NTM: variants seen among roughly 807,000 people sequenced by gnomAD.
NTM encodes the protein IgLON family member 2.
Under a neutral mutation model 42.1 loss-of-function variants are expected in NTM, and 13 were observed. The ratio of observed to expected loss-of-function variants is 0.31; its 90% confidence interval spans 0.20 to 0.49. The LOEUF (loss-of-function observed/expected upper bound fraction) is 0.49. Ranked by LOEUF, NTM falls within the 20% of genes least tolerant of loss-of-function variation. The pLI, the probability that NTM is intolerant of heterozygous loss-of-function variation, is 0.99. For missense variants in NTM, 373 were observed against 452.8 expected (o/e 0.82, Z 1.60); for synonymous variants, 187 against 179.2 (o/e 1.04, Z -0.35).
At chr11:131,699,199 G>A (rs1294514068) in intron 1 of NTM, among the ~76,000 whole-genome samples, 4 of 152,234 alleles carry the variant, frequency 2.6e-5, no homozygotes, top group Non-Finnish European at 5.9e-5. Flanking sequence ...TCTGAGCTCA[G>A]TCTAGGAAGA....
chr11:132,026,452 C>T (rs911173972), intron 2 of NTM, among the ~76,000 whole-genome samples: 1 of 152,190 alleles, frequency 6.6e-6, no homozygotes, highest in Admixed American at 6.5e-5. Context: ...GTTCAAGAAG[C>T]TCTTTTTAGG....
Position 131,521,383 on chromosome 11 carries a change from C to CTT in NTM, c.82+150533_82+150534dup, listed in dbSNP as rs773233050. ...AATGCAGAAGAAGCAAGGTGCCAGTCTTTTTTTTTTTTTTTTTTTTTTTTT... is the reference window on the plus strand; with the variant it reads ...AATGCAGAAGAAGCAAGGTGCCAGTCTTTTTTTTTTTTTTTTTTTTTTTTTTT... On this transcript the variant is annotated intron_variant, in intron 1 of 8. Coordinates refer to ENST00000683400, the MANE Select transcript of NTM (RefSeq NM_001352005.2). Among the ~76,000 whole-genome samples, 69 of 45,756 alleles carry CTT rather than the reference C, an allele frequency of 1.5e-3. 25 individuals carry two copies. Among genetic ancestry groups the CTT allele is most frequent in the East Asian group, 2.6e-3 (4 of 1,512 alleles). 30.0% of individuals were successfully genotyped at this position (45,756 alleles called of 152,430 possible).
At chr11:131,776,052 C>T (rs1287528117) in intron 1 of NTM, among the ~76,000 whole-genome samples, 2 of 152,176 alleles carry the variant, frequency 1.3e-5, no homozygotes, top group East Asian at 3.8e-4. Context: ...CTGCATATAT[C>T]TCTGGCCCCT....
At chr11:131,854,777 A>C (rs1565633151) in intron 1 of NTM, among the ~76,000 whole-genome samples, 1 of 152,230 alleles carries the variant, frequency 6.6e-6, no homozygotes, top group East Asian at 1.9e-4. Context: ...TTTGAAATTA[A>C]AAGGGGCACT....
chr11:131,685,340 G>T (rs1271410712), intron 1 of NTM, among the ~76,000 whole-genome samples: 2 of 152,078 alleles, frequency 1.3e-5, no homozygotes, highest in African/African-American at 4.8e-5. Context: ...GGCATCCATG[G>T]GAAGCAGCTG....
chr11:131,801,045 G>T (rs987562030), intron 1 of NTM, among the ~76,000 whole-genome samples: 3 of 152,268 alleles, frequency 2.0e-5, no homozygotes, highest in East Asian at 3.9e-4. Context: ...GCTGGGGTTA[G>T]AATTAATATG....
chr11:131,712,497 G>GTT (rs1352479083), intron 1 of NTM, among the ~76,000 whole-genome samples: 1 of 152,088 alleles, frequency 6.6e-6, no homozygotes, highest in African/African-American at 2.4e-5. Context: ...AATGTGAGCA[G>GTT]TTACCCATAA....
chr11:131,832,681 T>C (rs1447313354), intron 1 of NTM, among the ~76,000 whole-genome samples: 1 of 152,194 alleles, frequency 6.6e-6, no homozygotes, highest in Non-Finnish European at 1.5e-5. Context: ...TGATGAAGGC[T>C]TTCTAAGCCT....
intron 1 of NTM, among the ~76,000 whole-genome samples, chr11:131,594,312 A>C (rs1207126241): frequency 2.6e-5 from 4 of 152,160 alleles, no homozygotes; most frequent in Non-Finnish European, 5.9e-5. Flanking sequence ...GCATTAGTTG[A>C]GTATATTAGG....
chr11:131,912,363 T>A (rs929839517), intron 2 of NTM, among the ~76,000 whole-genome samples: 3 of 152,052 alleles, frequency 2.0e-5, no homozygotes, highest in African/African-American at 7.2e-5. Context: ...TAGGTTTCAG[T>A]GTTGGGTTGG....
intron 1 of NTM, among the ~76,000 whole-genome samples, chr11:131,637,099 A>G (rs559524784): frequency 6.6e-6 from 1 of 152,148 alleles, no homozygotes; most frequent in East Asian, 1.9e-4. Context: ...GCAGATGCCA[A>G]CCTGGGTACA....
chr11:132,054,871 G>C (rs970776613), intron 2 of NTM, among the ~76,000 whole-genome samples: 2 of 152,188 alleles, frequency 1.3e-5, no homozygotes, highest in Non-Finnish European at 2.9e-5. Flanking sequence ...AATTGAGATG[G>C]AGGACATGGA....
At chr11:131,632,850 T>C (rs1565353532) in intron 1 of NTM, among the ~76,000 whole-genome samples, 1 of 150,518 alleles carries the variant, frequency 6.6e-6, no homozygotes, top group East Asian at 1.9e-4. Flanking sequence ...AATTTTTGTA[T>C]TTTTAGTAGA....
At position 131,620,176 on chromosome 11, in the gene NTM, G is replaced by A. The variant is rs145657480; in HGVS notation, c.82+249288G>A. On this transcript the variant is annotated intron_variant, in intron 1 of 8. Transcript: ENST00000683400. The stretch of plus-strand genomic sequence containing the variant: ...AGGTACTACGAGACTATATCCAAGA[G>A]GGCAAGTTCTATGACTCTAAGTTTG... 3.2e-3 allele frequency among the ~76,000 whole-genome samples: 481 copies of A among 152,286 alleles called. 5 individuals are homozygous for A. Among genetic ancestry groups the A allele is most frequent in the African/African-American group, 0.011 (465 of 41,548 alleles).
chr11:131,567,624 A>C (rs2057029375), intron 1 of NTM, among the ~76,000 whole-genome samples: 1 of 152,246 alleles, frequency 6.6e-6, no homozygotes, highest in Non-Finnish European at 1.5e-5. Context: ...TTCATGAGGA[A>C]TACAACTTAC....
intron 3 of NTM, among the ~76,000 whole-genome samples, chr11:132,173,435 G>A (rs887437911): frequency 1.3e-5 from 2 of 152,164 alleles, no homozygotes; most frequent in African/African-American, 4.8e-5. Context: ...TTGTCTTTGT[G>A]TTTTTAAACC....
chr11:132,246,689 TAGA>T (rs1213339355), intron 4 of NTM, among the ~76,000 whole-genome samples: 1 of 152,198 alleles, frequency 6.6e-6, no homozygotes, highest in Non-Finnish European at 1.5e-5. Context: ...ATTAAAGTGG[TAGA>T]AGAAGAATAA....
rs150271953 is a variant in NTM at position 132,019,201 on chromosome 11, T to C, written c.167+107553T>C. 9.0e-4 allele frequency among the ~76,000 whole-genome samples: 137 copies of C among 152,144 alleles called. 2 individuals are homozygous for C. Among genetic ancestry groups the C allele is most frequent in the African/African-American group, 3.1e-3 (128 of 41,576 alleles). ...TCATTATTATATCACTTGTTCTGTT[T>C]GATTTGAATTTAGTTTTCTATTCCA... On this transcript the variant is annotated intron_variant, in intron 2 of 8. Coordinates refer to ENST00000683400, the MANE Select transcript of NTM (RefSeq NM_001352005.2).
chr11:132,079,301 T>C (rs1377377058), intron 2 of NTM, among the ~76,000 whole-genome samples: 1 of 152,172 alleles, frequency 6.6e-6, no homozygotes, highest in Non-Finnish European at 1.5e-5. Flanking sequence ...CAGAATGGTG[T>C]GAGGTAGATG....
Sources: gnomAD v4.1 joint callset for allele counts (sites outside exome capture counted in the v4.1 genomes callset) on GRCh38, gnomAD v4.1.1 for gene constraint, MANE v1.5 for transcripts, NCBI Gene and HGNC (gene_info 2026-07-23, HGNC 2026-07-21) for gene names.